Variants in AGBL4 observed in about 807,000 individuals in gnomAD.
AGBL4 encodes the protein AGBL carboxypeptidase 4, also known as cytosolic carboxypeptidase 6.
AGBL4 carries 58 observed loss-of-function variants against 66.4 expected under a neutral mutation model. That is an observed-to-expected ratio of 0.87 (90% CI 0.71 to 1.09). AGBL4 has a LOEUF of 1.09. Among genes scored for constraint, AGBL4 ranks in the 50% least tolerant of loss-of-function variants. The probability of loss-of-function intolerance (pLI) is 0.00; values close to 1 mark genes in which losing one functional copy is unlikely to be tolerated. For synonymous variants in AGBL4, 234 were observed against 222.9 expected (o/e 1.05, Z -0.44); for missense variants, 579 against 631.0 (o/e 0.92, Z 0.88).
chr1:49,341,306 G>T (rs770215121), intron 3 of AGBL4, among the ~76,000 whole-genome samples: 3 of 152,156 alleles, frequency 2.0e-5, no homozygotes, highest in Non-Finnish European at 4.4e-5. Context: ...AAGGAAAATT[G>T]TATGTGCAGT....
chr1:49,324,889 G>A (rs946349912), intron 3 of AGBL4, among the ~76,000 whole-genome samples: 2 of 152,174 alleles, frequency 1.3e-5, no homozygotes, highest in African/African-American at 2.4e-5. Flanking sequence ...GAATGAATGA[G>A]TAAATCAATG....
chr1:49,249,490 C>T (rs1312803313), intron 3 of AGBL4, among the ~76,000 whole-genome samples: 2 of 151,956 alleles, frequency 1.3e-5, no homozygotes, highest in Non-Finnish European at 2.9e-5. Context: ...CATTAATCAT[C>T]AAAAAATGCA....
chr1:48,908,383 T>G (rs1652813608), intron 5 of AGBL4, among the ~76,000 whole-genome samples: 1 of 152,212 alleles, frequency 6.6e-6, no homozygotes, highest in African/African-American at 2.4e-5. Context: ...CTTCATGCTA[T>G]CTCATGCCAA....
At chr1:49,787,517 A>G (rs1233469268) in intron 2 of AGBL4, among the ~76,000 whole-genome samples, 2 of 151,988 alleles carry the variant, frequency 1.3e-5, no homozygotes, top group Non-Finnish European at 2.9e-5. Context: ...AAAAAAAAAA[A>G]AAATTGAAAC....
chr1:49,621,860 A>T (rs970809589), intron 3 of AGBL4, among the ~76,000 whole-genome samples: 2 of 152,196 alleles, frequency 1.3e-5, no homozygotes, highest in African/African-American at 4.8e-5. Context: ...TGTCTCTGTT[A>T]GTAATTGACT....
At chr1:48,901,052 C>T (rs916934262) in intron 5 of AGBL4, among the ~76,000 whole-genome samples, 7 of 151,964 alleles carry the variant, frequency 4.6e-5, no homozygotes, top group South Asian at 4.2e-4. Context: ...TTAGTAAAAG[C>T]GGGCAAAAGA....
At chr1:49,536,915 G>A (rs949699080) in intron 3 of AGBL4, among the ~76,000 whole-genome samples, 1 of 151,932 alleles carries the variant, frequency 6.6e-6, no homozygotes, top group African/African-American at 2.4e-5. Context: ...GCTGAGGCAG[G>A]AGAATCACTT....
At chr1:48,596,091 G>A (rs529669347) in intron 9 of AGBL4, among the ~76,000 whole-genome samples, 1 of 152,178 alleles carries the variant, frequency 6.6e-6, no homozygotes, top group African/African-American at 2.4e-5. Flanking sequence ...CCAGCATTAC[G>A]CAGCAAGATG....
At chr1:49,464,873 C>T (rs1251063207) in intron 3 of AGBL4, among the ~76,000 whole-genome samples, 1 of 151,634 alleles carries the variant, frequency 6.6e-6, no homozygotes, top group African/African-American at 2.4e-5. Context: ...TATGACAAAA[C>T]TGATGCTTGT....
chr1:49,206,844 G>A (rs1648172913), intron 4 of AGBL4, among the ~76,000 whole-genome samples: 1 of 126,918 alleles, frequency 7.9e-6, no homozygotes, highest in Non-Finnish European at 1.6e-5. Context: ...AACTTTCTGA[G>A]CATTAGACTT....
intron 3 of AGBL4, among the ~76,000 whole-genome samples, chr1:49,501,514 A>T (rs1648147514): frequency 7.0e-6 from 1 of 143,436 alleles, no homozygotes; most frequent in South Asian, 2.3e-4. Flanking sequence ...TCTTTCATTT[A>T]TAATTTTATT....
intron 4 of AGBL4, among the ~76,000 whole-genome samples, chr1:49,179,265 T>C (rs1646885404): frequency 6.6e-6 from 1 of 152,060 alleles, no homozygotes; most frequent in Non-Finnish European, 1.5e-5. Context: ...GTAACTTAAA[T>C]ACCAGTGGAG....
At chr1:49,146,740 T>C (rs1179846876) in intron 4 of AGBL4, among the ~76,000 whole-genome samples, 2 of 152,254 alleles carry the variant, frequency 1.3e-5, no homozygotes, top group African/African-American at 4.8e-5. Context: ...CCAAGGAGCA[T>C]GATGGGGCCT....
rs148250746 is a variant in AGBL4, at chr1:48,739,068, A to C, written c.635-75827T>G. Among the ~76,000 whole-genome samples the C allele has an allele frequency of 8.4e-4, 128 of 152,302 alleles. 2 individuals are homozygous for C. Among genetic ancestry groups the C allele is most frequent in the African/African-American group, 2.9e-3 (122 of 41,546 alleles). On this transcript the variant is annotated intron_variant, in intron 6 of 13. Coordinates refer to ENST00000371839, the MANE Select transcript of AGBL4 (RefSeq NM_032785.4). ...CCACGGTGGTACTGATGTAGATCAA[A>C]GACAGCAGACCTAACACATCAATGT...
chr1:49,240,551 C>CTTTTTTTTTTTT (rs34162300), intron 4 of AGBL4, among the ~76,000 whole-genome samples: 2 of 123,716 alleles, frequency 1.6e-5, no homozygotes, highest in Non-Finnish European at 3.4e-5. Flanking sequence ...ACTGCATTTT[C>CTTTTTTTTTTTT]TTTTTTTTTT....
chr1:48,883,885 C>T (rs925793937), intron 5 of AGBL4, among the ~76,000 whole-genome samples: 3 of 152,046 alleles, frequency 2.0e-5, no homozygotes, highest in Non-Finnish European at 2.9e-5. Context: ...TGGATGACTG[C>T]TGGAATAAAC....
chr1:49,448,223 G>A (rs1475286506), intron 3 of AGBL4, among the ~76,000 whole-genome samples: 1 of 152,150 alleles, frequency 6.6e-6, no homozygotes, highest in Non-Finnish European at 1.5e-5. Context: ...TAACAATTAT[G>A]TATTGGTGCT....
intron 6 of AGBL4, among the ~76,000 whole-genome samples, chr1:48,738,211 A>G (rs1649366340): frequency 6.6e-6 from 1 of 152,188 alleles, no homozygotes; most frequent in South Asian, 2.1e-4. Context: ...AAAAATAGCA[A>G]TGCAGCCCAC....
At chr1:49,520,240 T>A (rs934941786) in intron 3 of AGBL4, among the ~76,000 whole-genome samples, 2 of 152,038 alleles carry the variant, frequency 1.3e-5, no homozygotes, top group African/African-American at 4.8e-5. Context: ...CATTAGGCAC[T>A]GAAGCTCAGA....
Sources: allele counts gnomAD v4.1 joint callset (sites outside exome capture counted in the v4.1 genomes callset), GRCh38; gene constraint gnomAD v4.1.1; transcripts MANE v1.5; gene names NCBI Gene and HGNC (gene_info 2026-07-23, HGNC 2026-07-21).